Variants in SLC17A3 observed in about 807,000 individuals in gnomAD.
SLC17A3 encodes the protein sodium-dependent phosphate transport protein 4.
SLC17A3 carries 61 observed loss-of-function variants against 60.3 expected under a neutral mutation model. The ratio of observed to expected loss-of-function variants is 1.01; its 90% CI spans 0.82 to 1.25. The LOEUF is 1.25. SLC17A3 is among the 50% of genes most tolerant of loss of function. The pLI, the probability that SLC17A3 is intolerant of heterozygous loss-of-function variation, is 0.00. For missense variants in SLC17A3, 624 were observed against 594.9 expected (o/e 1.05, Z -0.51); for synonymous variants, 192 against 208.9 (o/e 0.92, Z 0.70).
chr6:25,845,606 G>T, intron 11 of SLC17A3, 90 bp from the exon 12 acceptor site: 1 of 1,455,220 alleles, frequency 6.9e-7, no homozygotes, highest in East Asian at 2.3e-5. Context: ...ACATTCACTG[G>T]TGGGTTTCCT....
intron 1 of SLC17A3, among the ~76,000 whole-genome samples, chr6:25,872,428 AAG>A (rs1765659417): frequency 6.6e-6 from 1 of 151,174 alleles, no homozygotes; most frequent in Non-Finnish European, 1.5e-5. Context: ...ATGTTCATCT[AAG>A]TGTGTGTGTC....
chr6:25,845,264 G>C lies in SLC17A3; in HGVS notation c.*37C>G. 1 of 1,216,368 alleles carries C rather than the reference G, an allele frequency of 8.2e-7. No homozygotes were observed. Among genetic ancestry groups the C allele is most frequent in the Non-Finnish European group, 1.2e-6 (1 of 830,000 alleles). The allele number at this position is 1,216,368 out of a possible 1,614,324, so 75.3% of individuals were successfully genotyped here. ...GGAAGCCTTCTATTTTATGCAATAC[G>C]GTGCCTAATGACTTTTCCATCCAAG... On this transcript the variant is annotated 3_prime_UTR_variant, in exon 13 of 13. Transcript: ENST00000397060.
intron 1 of SLC17A3, among the ~76,000 whole-genome samples, chr6:25,872,582 A>G (rs945345391): frequency 4.1e-5 from 3 of 73,236 alleles, no homozygotes; most frequent in African/African-American, 1.1e-4. Flanking sequence ...TATATTTTAT[A>G]CATATATATA....
intron 5 of SLC17A3, among the ~76,000 whole-genome samples, chr6:25,857,295 T>A (rs1029820180): frequency 6.6e-6 from 1 of 152,214 alleles, no homozygotes; most frequent in African/African-American, 2.4e-5. Context: ...TTTTATTTCT[T>A]TTGTGAACTG....
At chr6:25,872,538 T>C (rs1271483881) in intron 1 of SLC17A3, among the ~76,000 whole-genome samples, 1 of 148,950 alleles carries the variant, frequency 6.7e-6, no homozygotes, top group Non-Finnish European at 1.5e-5. Context: ...AATAGATATG[T>C]AGTATGTATA....
chr6:25,856,882 A>C (rs1012596010), intron 5 of SLC17A3, among the ~76,000 whole-genome samples: 3 of 150,098 alleles, frequency 2.0e-5, no homozygotes, highest in African/African-American at 7.4e-5. Context: ...TTCCAATATT[A>C]ATGAAAAAGT....
At chr6:25,867,510 G>A (rs1454187601) in intron 2 of SLC17A3, among the ~76,000 whole-genome samples, 1 of 151,926 alleles carries the variant, frequency 6.6e-6, no homozygotes, top group Non-Finnish European at 1.5e-5. Flanking sequence ...ATGTGGACTA[G>A]TGTCATGTTA....
intron 1 of SLC17A3, among the ~76,000 whole-genome samples, chr6:25,868,728 TTG>T (rs915677292): frequency 1.3e-5 from 2 of 151,966 alleles, no homozygotes; most frequent in Non-Finnish European, 2.9e-5. Context: ...AGGAGCACAT[TTG>T]TGTGTTTCAG....
intron 5 of SLC17A3, among the ~76,000 whole-genome samples, chr6:25,859,228 A>G (rs1765407703): frequency 6.6e-6 from 1 of 152,206 alleles, no homozygotes; most frequent in African/African-American, 2.4e-5. Flanking sequence ...GGATATGAAG[A>G]CCAAGAGACA....
intron 6 of SLC17A3, 152 bp from the exon 7 acceptor site, chr6:25,851,029 A>G (rs1765268092): frequency 1.4e-6 from 1 of 711,312 alleles, no homozygotes; most frequent in South Asian, 1.5e-5. Context: ...CCCATTTTAC[A>G]TTTCCTGTTT....
At chr6:25,860,167 C>T (rs1394768663) in intron 5 of SLC17A3, among the ~76,000 whole-genome samples, 2 of 152,120 alleles carry the variant, frequency 1.3e-5, no homozygotes, top group East Asian at 3.9e-4. Context: ...TTTTTCTTAT[C>T]AACTATTAAA....
chr6:25,851,241 A>ATTTTTTTTTTTTT (rs35205418), intron 6 of SLC17A3, among the ~76,000 whole-genome samples: 1 of 139,634 alleles, frequency 7.2e-6, no homozygotes, highest in African/African-American at 2.6e-5. Flanking sequence ...TCTTTGCCCA[A>ATTTTTTTTTTTTT]TTTTTTTTTT....
At chr6:25,849,681 CA>C (rs1297150192) in intron 10 of SLC17A3, 123 bp downstream of exon 10, 1 of 1,167,622 alleles carries the variant, frequency 8.6e-7, no homozygotes, top group Non-Finnish European at 1.3e-6. Flanking sequence ...AAAAAACGGC[CA>C]CAGGTCTATC....
At position 25,844,984 on chromosome 6, in the gene SLC17A3, C is replaced by A. The variant is rs189791582; in HGVS notation, c.*317G>T. 5.1e-6 allele frequency: 1 copy of A among 194,766 alleles called. No homozygotes were observed. Among genetic ancestry groups the A allele is most frequent in the South Asian group, 9.0e-5 (1 of 11,160 alleles). 12.1% of individuals were successfully genotyped at this position (194,766 alleles called of 1,614,324 possible). A position where few individuals can be genotyped will look rare whatever the true frequency, so the allele number is the denominator to read the frequency against. On this transcript the variant is annotated 3_prime_UTR_variant, in exon 13 of 13. Coordinates refer to ENST00000397060, the MANE Select transcript of SLC17A3 (RefSeq NM_001098486.2). ...CATTGCCCTAGTGAGTTTGTCACCC[C>A]GGATTAAAGGTTTTAAAACATTGTT...
chr6:25,862,255 G>A lies in SLC17A3; in HGVS notation c.281C>T (p.Ala94Val). 6.2e-7 allele frequency: 1 copy of A among 1,613,424 alleles called. No homozygotes were observed. Among genetic ancestry groups the A allele is most frequent in the Admixed American group, 1.7e-5 (1 of 59,972 alleles). Residue 94 changes from alanine to valine, a missense_variant, in exon 3 of 13, where the codon GCC (alanine) becomes GTC (valine). Physicochemically the swap from Ala to Val is moderately conservative, Grantham distance 64. Coordinates refer to ENST00000397060, the MANE Select transcript of SLC17A3 (RefSeq NM_001098486.2). ...PVDSFGGLSK[A>V]PKSLPAKAPV... ...TACCTTTGCAGGAAGACTCTTTGGG[G>A]CTTTACTTAGGCCACCAAATGAGTC...
In SLC17A3 at chr6:25,845,315, A is replaced by T; in HGVS notation, c.*3-17T>A. 6.3e-7 allele frequency: 1 copy of T among 1,586,910 alleles called. No individual in the cohort carries two copies. The highest frequency in any genetic ancestry group is 2.2e-5 in the East Asian group (1 of 44,694). ...GTGGGATAACTAAGAAAGGAAAATGATATAGAATTTAAAACTTCAGCTGCT... is the reference window on the plus strand; with the variant it reads ...GTGGGATAACTAAGAAAGGAAAATGTTATAGAATTTAAAACTTCAGCTGCT... On this transcript the variant is annotated splice_polypyrimidine_tract_variant and intron_variant, in intron 12 of 12. Coordinates refer to ENST00000397060, the MANE Select transcript of SLC17A3 (RefSeq NM_001098486.2).
chr6:25,868,504 A>T, intron 1 of SLC17A3, 84 bp from the exon 2 acceptor site: 1 of 916,448 alleles, frequency 1.1e-6, no homozygotes, highest in Non-Finnish European at 1.7e-6. Context: ...GCACCAAGGA[A>T]AAAAAAGCTG....
chr6:25,863,975 A>G (rs1160069072), intron 2 of SLC17A3, among the ~76,000 whole-genome samples: 1 of 152,176 alleles, frequency 6.6e-6, no homozygotes, highest in East Asian at 1.9e-4. Flanking sequence ...TGAAACACAA[A>G]CAGTAAATCA....
At chr6:25,851,452 G>A (rs1033172240) in intron 6 of SLC17A3, among the ~76,000 whole-genome samples, 6 of 151,942 alleles carry the variant, frequency 3.9e-5, no homozygotes, top group African/African-American at 1.4e-4. Context: ...TGCTTTTGGT[G>A]TCATATTTAG....
Sources: gnomAD v4.1 joint callset for allele counts (sites outside exome capture counted in the v4.1 genomes callset) on GRCh38, gnomAD v4.1.1 for gene constraint, MANE v1.5 for transcripts, NCBI Gene and HGNC (gene_info 2026-07-23, HGNC 2026-07-21) for gene names.